Variants in PRKCB observed in about 807,000 individuals in gnomAD.
The protein encoded by PRKCB is protein kinase C beta type.
Under a neutral mutation model 81.5 loss-of-function variants are expected in PRKCB, and 13 were observed. The observed-to-expected ratio is 0.16, with a 90% CI of 0.10 to 0.25. The LOEUF is 0.25. Among genes scored for constraint, PRKCB ranks in the 10% least tolerant of loss-of-function variants. The pLI, the probability that PRKCB is intolerant of heterozygous loss-of-function variation, is 1.00. For missense variants in PRKCB, 509 were observed against 875.7 expected (o/e 0.58, Z 5.29); for synonymous variants, 335 against 321.4 (o/e 1.04, Z -0.45).
intron 8 of PRKCB, among the ~76,000 whole-genome samples, chr16:24,113,834 A>G (rs1966707083): frequency 6.6e-6 from 1 of 152,028 alleles, no homozygotes; most frequent in South Asian, 2.1e-4. Flanking sequence ...GTCTGCATTC[A>G]GGCTTAGACA....
At chr16:23,850,712 A>G (rs1962458869) in intron 2 of PRKCB, among the ~76,000 whole-genome samples, 1 of 152,176 alleles carries the variant, frequency 6.6e-6, no homozygotes, top group African/African-American at 2.4e-5. Flanking sequence ...ACTGTTTTTC[A>G]TAAGGCTATA....
intron 5 of PRKCB, among the ~76,000 whole-genome samples, chr16:24,041,426 C>T (rs1344033901): frequency 6.6e-6 from 1 of 152,134 alleles, no homozygotes; most frequent in Non-Finnish European, 1.5e-5. Context: ...ATTATTTATA[C>T]TCCCATCTAC....
intron 16 of PRKCB, among the ~76,000 whole-genome samples, chr16:24,206,591 C>G (rs1426375066): frequency 1.3e-5 from 2 of 152,194 alleles, no homozygotes; most frequent in Non-Finnish European, 2.9e-5. Context: ...CTTCTCCAGG[C>G]TCTTTCCTTT....
chr16:24,131,555 C>G (rs973952104), intron 9 of PRKCB, among the ~76,000 whole-genome samples: 1 of 152,234 alleles, frequency 6.6e-6, no homozygotes, highest in African/African-American at 2.4e-5. Flanking sequence ...ATTTATGCAC[C>G]TGTTATGGGT....
At chr16:24,110,159 GGAGGGA>G (rs1335128361) in intron 7 of PRKCB, among the ~76,000 whole-genome samples, 1,791 of 118,134 alleles carry the variant, frequency 0.015, 57 homozygotes, top group African/African-American at 0.055. Flanking sequence ...AGGAGGGAGA[GGAGGGA>G]GAGGGAGAGG....
rs527402617 is a variant in PRKCB at position 24,032,435 on chromosome 16, A to AT, written c.400+195dup. On this transcript the variant is annotated intron_variant, in intron 4 of 16. Transcript: ENST00000643927. ...AACACTGTGACTGAAGACAATAAAC[A>AT]TTTTTTTAGCTCATGACTCTGCAAG... Among the ~76,000 whole-genome samples the AT allele has an allele frequency of 3.1e-3, 471 of 152,212 alleles. 1 individual carries two copies. The highest frequency in any genetic ancestry group is 0.011 in the African/African-American group (445 of 41,554).
chr16:23,936,139 A>AC (rs1054617886), intron 2 of PRKCB, among the ~76,000 whole-genome samples: 1 of 146,130 alleles, frequency 6.8e-6, no homozygotes, highest in African/African-American at 2.5e-5. Flanking sequence ...CTTTTCCTTC[A>AC]CCCCCTTTGT....
chr16:23,994,518 T>G (rs921141952), intron 3 of PRKCB, among the ~76,000 whole-genome samples: 1 of 152,166 alleles, frequency 6.6e-6, no homozygotes, highest in Non-Finnish European at 1.5e-5. Flanking sequence ...ACAGCAGAGA[T>G]CAGTGCCATC....
chr16:24,182,886 T>TGTGTGTGTGTGTGTGTGTGTGA (rs1967648781), intron 13 of PRKCB, among the ~76,000 whole-genome samples: 1 of 151,408 alleles, frequency 6.6e-6, no homozygotes, highest in Non-Finnish European at 1.5e-5. Flanking sequence ...TGTGTGTGTG[T>TGTGTGTGTGTGTGTGTGTGTGA]GTGTGTGTGT....
intron 7 of PRKCB, among the ~76,000 whole-genome samples, chr16:24,110,695 TTTTTTG>T (rs1200291073): frequency 7.1e-4 from 108 of 152,032 alleles, no homozygotes; most frequent in African/African-American, 2.5e-3. Flanking sequence ...TTTTTTTAAT[TTTTTTG>T]TAGAGACAGG....
chr16:23,989,086 G>A (rs1248422316), intron 3 of PRKCB, among the ~76,000 whole-genome samples: 5 of 152,004 alleles, frequency 3.3e-5, no homozygotes, highest in African/African-American at 9.7e-5. Context: ...TCAGCCTCCC[G>A]AGGAGCTGGG....
chr16:24,133,859 A>G (rs1419599970), intron 9 of PRKCB, among the ~76,000 whole-genome samples: 1 of 150,728 alleles, frequency 6.6e-6, no homozygotes, highest in Non-Finnish European at 1.5e-5. Flanking sequence ...TCTCTTCTCC[A>G]CTTTGGGGTC....
intron 2 of PRKCB, among the ~76,000 whole-genome samples, chr16:23,976,231 A>T (rs169030): frequency 6.6e-6 from 1 of 152,040 alleles, no homozygotes; most frequent in Non-Finnish European, 1.5e-5. Context: ...CCAGGTGCTC[A>T]AGGTTGCAGT....
chr16:23,996,876 A>T (rs1964964139), intron 3 of PRKCB, among the ~76,000 whole-genome samples: 1 of 152,194 alleles, frequency 6.6e-6, no homozygotes, highest in Non-Finnish European at 1.5e-5. Flanking sequence ...AAGATTCTCC[A>T]GAAGGCTATA....
At chr16:24,089,618 T>A (rs993935870) in intron 5 of PRKCB, among the ~76,000 whole-genome samples, 9 of 152,030 alleles carry the variant, frequency 5.9e-5, no homozygotes, top group Admixed American at 2.0e-4. Context: ...AAAATTTTTT[T>A]AAAAATTAGT....
At chr16:23,933,942 TCCATCCATCCACCTACCTCATC>T (rs1964020170) in intron 2 of PRKCB, among the ~76,000 whole-genome samples, 1 of 131,386 alleles carries the variant, frequency 7.6e-6, no homozygotes, top group Non-Finnish European at 1.6e-5. Flanking sequence ...CATCCATCCA[TCCATCCATCCACCTACCTCATC>T]CATCCATCCA....
At chr16:23,857,717 AGTGT>A (rs375171383) in intron 2 of PRKCB, among the ~76,000 whole-genome samples, 1 of 149,370 alleles carries the variant, frequency 6.7e-6, no homozygotes, top group Non-Finnish European at 1.5e-5. Context: ...AGAGAGAGAG[AGTGT>A]GTGTGTGTGT....
intron 2 of PRKCB, among the ~76,000 whole-genome samples, chr16:23,850,351 TA>T (rs1224122146): frequency 5.3e-5 from 7 of 131,920 alleles, no homozygotes; most frequent in East Asian, 2.2e-4. Context: ...TGGGATTACT[TA>T]AAAAAAATTT....
chr16:24,117,080 AAAATGTTTCCAACAGACCG>A (rs1243770868), intron 8 of PRKCB, among the ~76,000 whole-genome samples: 1 of 145,608 alleles, frequency 6.9e-6, no homozygotes, highest in East Asian at 1.9e-4. Flanking sequence ...TTGATTTAAA[AAAATGTTTCCAACAGACCG>A]AAAATTGTTC....
Sources: allele counts gnomAD v4.1 joint callset (sites outside exome capture counted in the v4.1 genomes callset), GRCh38; gene constraint gnomAD v4.1.1; transcripts MANE v1.5; gene names NCBI Gene and HGNC (gene_info 2026-07-23, HGNC 2026-07-21).